Variants in PCDHGA7 observed in about 807,000 individuals in gnomAD.
The protein encoded by PCDHGA7 is protocadherin gamma subfamily A, 7, also known as protocadherin gamma-A7.
PCDHGA7 carries 44 observed loss-of-function variants against 58.3 expected under a neutral mutation model. The observed-to-expected ratio is 0.75, with a 90% CI of 0.59 to 0.97. The LOEUF (loss-of-function observed/expected upper bound fraction) is 0.97, where lower values mean the gene tolerates loss of function less well. PCDHGA7 is among the 50% of genes least tolerant of loss of function. PCDHGA7 has a pLI of 0.00. For missense variants in PCDHGA7, 1,266 were observed against 1,188.7 expected, an observed-to-expected ratio of 1.06 and a Z score of -0.96; for synonymous variants, 516 against 504.2, an observed-to-expected ratio of 1.02 and a Z score of -0.31.
rs138745923 is a variant in PCDHGA7, at chr5:141,420,954, A to C, written c.2424+35631A>C. On this transcript the variant is annotated intron_variant, in intron 1 of 3. Transcript: ENST00000518325. ...GTAATCATTTCTTCTGGAATTTCTTAGTCGTTGCAATAATAAGAATGGGCT... is the reference window on the plus strand; with the variant it reads ...GTAATCATTTCTTCTGGAATTTCTTCGTCGTTGCAATAATAAGAATGGGCT... 3.9e-3 allele frequency: 1,621 copies of C among 412,482 alleles called. 10 individuals are homozygous for C. The highest frequency in any genetic ancestry group is 0.01 in the Admixed American group (249 of 24,550). The allele number at this position is 412,482 out of a possible 1,614,324, so 25.6% of individuals were successfully genotyped here.
Position 141,418,052 on chromosome 5 carries a change from G to A in PCDHGA7, c.2424+32729G>A, listed in dbSNP as rs202112422. 1.2e-3 allele frequency: 1,918 copies of A among 1,613,866 alleles called. 6 individuals are homozygous for A. Among genetic ancestry groups the A allele is most frequent in the East Asian group, 2.1e-3 (96 of 44,758 alleles). On this transcript the variant is annotated intron_variant, in intron 1 of 3. Coordinates refer to ENST00000518325, the MANE Select transcript of PCDHGA7 (RefSeq NM_018920.4). ...TAGTGTCCTGGATGTGTCGGCTCGC[G>A]AGCTGCGAGTGAGCGCGGAGAAGCT...
chr5:141,504,130 C>T (rs1334901812), intron 2 of PCDHGA7, among the ~76,000 whole-genome samples: 1 of 152,154 alleles, frequency 6.6e-6, no homozygotes, highest in African/African-American at 2.4e-5. Flanking sequence ...TGTTTCCCGC[C>T]AACACTCCCC....
intron 1 of PCDHGA7, among the ~76,000 whole-genome samples, chr5:141,483,644 G>GTGTT (rs919432945): frequency 6.8e-6 from 1 of 146,522 alleles, no homozygotes; most frequent in Non-Finnish European, 1.5e-5. Flanking sequence ...AGAGGGGTGT[G>GTGTT]TGTTTGTGTG....
chr5:141,408,079 A>C (rs1176059527), intron 1 of PCDHGA7: 13 of 1,407,872 alleles, frequency 9.2e-6, no homozygotes, highest in Non-Finnish European at 1.1e-5. Context: ...CTTTCCCAGC[A>C]CAGCGGATTG....
intron 1 of PCDHGA7, among the ~76,000 whole-genome samples, chr5:141,456,166 G>A (rs531975607): frequency 6.6e-6 from 1 of 152,148 alleles, no homozygotes; most frequent in African/African-American, 2.4e-5. Flanking sequence ...TAAAGTGCTG[G>A]GATTACAGAA....
rs2099605485 is a variant in PCDHGA7 at position 141,485,030 on chromosome 5, G to A, written c.2425-9777G>A. 1 of 674,340 alleles carries A rather than the reference G, an allele frequency of 1.5e-6. No individual in the cohort carries two copies. Among genetic ancestry groups the A allele is most frequent in the East Asian group, 2.6e-5 (1 of 38,292 alleles). The allele number at this position is 674,340 out of a possible 1,614,324, so 41.8% of individuals were successfully genotyped here. A position where few individuals can be genotyped will look rare whatever the true frequency, so the allele number is the denominator to read the frequency against. ...CTACCCCGCCACCAGCAAAAACGGC[G>A]CGTAACCCTTGCGGCGCCGGCCGAA... On this transcript the variant is annotated intron_variant, in intron 1 of 3. Transcript: ENST00000518325. The surrounding 1 kb of genome is among the most constrained non-coding windows in gnomAD (Gnocchi z 5.7).
chr5:141,451,716 T>C (rs947058540), intron 1 of PCDHGA7, among the ~76,000 whole-genome samples: 1 of 152,092 alleles, frequency 6.6e-6, no homozygotes, highest in Non-Finnish European at 1.5e-5. Context: ...ACCCTGCCTC[T>C]ACTAAAAATA....
chr5:141,402,801 G>A, intron 1 of PCDHGA7: 6 of 1,078,624 alleles, frequency 5.6e-6, no homozygotes, highest in Non-Finnish European at 7.6e-6. Context: ...CACAAAACCC[G>A]GCAGATACCA....
intron 1 of PCDHGA7, chr5:141,430,865 C>G: frequency 6.3e-7 from 1 of 1,595,350 alleles, no homozygotes; most frequent in Non-Finnish European, 8.5e-7. Flanking sequence ...CTATTCAGTT[C>G]CGGAAGAGCT....
intron 1 of PCDHGA7, among the ~76,000 whole-genome samples, chr5:141,472,402 G>T (rs569497172): frequency 6.6e-6 from 1 of 152,042 alleles, no homozygotes; most frequent in Non-Finnish European, 1.5e-5. Context: ...TTAGCCAGGC[G>T]TGGTGGCACG....
rs780541121 is a variant in PCDHGA7 at position 141,477,533 on chromosome 5, G to A, written c.2425-17274G>A. ...TTACATTGAAGAAAACAACCTCCCCGGGGCTCCAATACTAAACCTAAGTGT... is the reference window on the plus strand; with the variant it reads ...TTACATTGAAGAAAACAACCTCCCCAGGGCTCCAATACTAAACCTAAGTGT... On this transcript the variant is annotated intron_variant, in intron 1 of 3. Coordinates refer to ENST00000518325, the MANE Select transcript of PCDHGA7 (RefSeq NM_018920.4). This position sits in a 1 kb window ranked among gnomAD's most constrained non-coding sequence, Gnocchi z 4.9. The A allele has an allele frequency of 6.2e-7, 1 of 1,614,010 alleles. No individual in the cohort carries two copies. The highest frequency in any genetic ancestry group is 1.1e-5 in the South Asian group (1 of 91,066).
chr5:141,418,869 T>A (rs1261615662), intron 1 of PCDHGA7: 1 of 1,613,830 alleles, frequency 6.2e-7, no homozygotes, highest in Non-Finnish European at 8.5e-7. Flanking sequence ...ATTGTAGAAG[T>A]TGTAGACGAA....
chr5:141,409,750 G>T, intron 1 of PCDHGA7: 1 of 1,613,016 alleles, frequency 6.2e-7, no homozygotes, highest in South Asian at 1.1e-5. Context: ...TGGTGTTCGC[G>T]CAGCGCGCCT....
chr5:141,482,562 C>A (rs1030078543), intron 1 of PCDHGA7, among the ~76,000 whole-genome samples: 68 of 142,616 alleles, frequency 4.8e-4, no homozygotes, highest in African/African-American at 1.8e-3. Flanking sequence ...TAATGGAGAT[C>A]TGCATAGCAT....
At chr5:141,418,802 T>G (rs775155011) in intron 1 of PCDHGA7, 1 of 1,613,862 alleles carries the variant, frequency 6.2e-7, no homozygotes, top group Non-Finnish European at 8.5e-7. Flanking sequence ...AGTAGAAAGA[T>G]ATACGATAAA....
chr5:141,409,912 C>T (rs775668669), intron 1 of PCDHGA7: 5 of 1,613,180 alleles, frequency 3.1e-6, no homozygotes, highest in Non-Finnish European at 2.5e-6. Context: ...TGGGTCCTGA[C>T]GGCTCCGCGT....
chr5:141,403,109 G>T, intron 1 of PCDHGA7: 2 of 1,614,074 alleles, frequency 1.2e-6, no homozygotes, highest in Non-Finnish European at 1.7e-6. Flanking sequence ...CAAGGACCTG[G>T]CTCTGGAGCC....
At chr5:141,429,329 A>G (rs1561840804) in intron 1 of PCDHGA7, among the ~76,000 whole-genome samples, 1 of 152,122 alleles carries the variant, frequency 6.6e-6, no homozygotes, top group Non-Finnish European at 1.5e-5. Flanking sequence ...TCTTTAATCC[A>G]TTAACTATAA....
At chr5:141,410,335 T>C (rs2095381391) in intron 1 of PCDHGA7, 1 of 1,613,894 alleles carries the variant, frequency 6.2e-7, no homozygotes, top group African/African-American at 1.3e-5. Context: ...TTCTGGCCAT[T>C]GCCTTGCGCC....
Sources: allele counts gnomAD v4.1 joint callset (sites outside exome capture counted in the v4.1 genomes callset), GRCh38; gene constraint gnomAD v4.1.1; non-coding constraint Gnocchi (gnomAD v3.1); transcripts MANE v1.5; gene names NCBI Gene and HGNC (gene_info 2026-07-23, HGNC 2026-07-21).